The following WDPCP variants were observed in gnomAD, a reference collection of about 807,000 sequenced individuals.
WDPCP encodes the protein WD repeat-containing and planar cell polarity effector protein fritz homolog.
WDPCP carries 71 observed loss-of-function variants against 93.1 expected under a neutral mutation model. The observed-to-expected ratio is 0.76, with a 90% CI of 0.63 to 0.93. The LOEUF is 0.93. Among genes scored for constraint, WDPCP ranks in the 40% least tolerant of loss-of-function variants. WDPCP has a pLI of 0.00. For synonymous variants in WDPCP, 315 were observed against 315.0 expected, an observed-to-expected ratio of 1.00 and a Z score of 0.00; for missense variants, 844 against 887.4, an observed-to-expected ratio of 0.95 and a Z score of 0.62.
intron 2 of WDPCP, among the ~76,000 whole-genome samples, chr2:63,718,288 G>A (rs114813561): frequency 0.012 from 1,872 of 152,140 alleles, 16 homozygotes; most frequent in Non-Finnish European, 0.015. Context: ...TGAGATTGCT[G>A]GATCAAGGGG....
chr2:63,681,823 G>C (rs1035799171), intron 2 of WDPCP, among the ~76,000 whole-genome samples: 1 of 152,172 alleles, frequency 6.6e-6, no homozygotes, highest in African/African-American at 2.4e-5. Flanking sequence ...ATCAGCTCCA[G>C]GTGGCTTACC....
intron 2 of WDPCP, among the ~76,000 whole-genome samples, chr2:63,760,643 A>G (rs897986182): frequency 3.9e-5 from 6 of 152,162 alleles, no homozygotes; most frequent in African/African-American, 1.2e-4. Context: ...CTGTTTCTGC[A>G]ACATCTTTCC....
intron 2 of WDPCP, among the ~76,000 whole-genome samples, chr2:63,786,059 A>G (rs1284450119): frequency 6.6e-6 from 1 of 152,112 alleles, no homozygotes; most frequent in East Asian, 1.9e-4. Context: ...TTTTTTTCTG[A>G]GACAGGGTCT....
chr2:63,775,507 A>T (rs977642096), intron 2 of WDPCP, among the ~76,000 whole-genome samples: 2 of 152,186 alleles, frequency 1.3e-5, no homozygotes, highest in Admixed American at 6.6e-5. Flanking sequence ...TCTTATACAC[A>T]TTGAATTGTT....
intron 12 of WDPCP, among the ~76,000 whole-genome samples, chr2:63,367,352 A>G (rs1394927838): frequency 1.3e-5 from 2 of 152,136 alleles, no homozygotes; most frequent in Non-Finnish European, 2.9e-5. Context: ...TCACAAAAAA[A>G]TAGTGACAGG....
chr2:63,547,654 G>A (rs1032270486), intron 1 of WDPCP, among the ~76,000 whole-genome samples: 1 of 151,206 alleles, frequency 6.6e-6, no homozygotes, highest in African/African-American at 2.4e-5. Context: ...CAGCAACATA[G>A]ATGGAACTGG....
chr2:63,470,088 C>T (rs1359730152), intron 6 of WDPCP, among the ~76,000 whole-genome samples: 1 of 152,160 alleles, frequency 6.6e-6, no homozygotes, highest in Non-Finnish European at 1.5e-5. Flanking sequence ...ATTCTGTCTC[C>T]TTTCTTCATC....
At chr2:63,569,165 C>T (rs907693406) in intron 1 of WDPCP, among the ~76,000 whole-genome samples, 1 of 152,042 alleles carries the variant, frequency 6.6e-6, no homozygotes, top group African/African-American at 2.4e-5. Flanking sequence ...AACAAAGAAA[C>T]AAGCTGCAGA....
At chr2:63,418,999 A>G (rs1281243396) in intron 9 of WDPCP, among the ~76,000 whole-genome samples, 1 of 152,192 alleles carries the variant, frequency 6.6e-6, no homozygotes, top group African/African-American at 2.4e-5. Context: ...TTTAAAGAAA[A>G]CTGTGTGGTA....
chr2:63,126,260 T>C (rs1484181818), intron 17 of WDPCP, among the ~76,000 whole-genome samples: 2 of 152,176 alleles, frequency 1.3e-5, no homozygotes, highest in Non-Finnish European at 2.9e-5. Context: ...AGTGTGAATA[T>C]AGAATGCTGA....
Position 63,121,875 on chromosome 2 carries a change from C to G in WDPCP, c.*131G>C, listed in dbSNP as rs565322265. The G allele has an allele frequency of 2.7e-6, 4 of 1,487,158 alleles. No homozygotes were observed. In the African/African-American group the frequency reaches 5.6e-5, roughly 21 times the overall value. The allele number at this position is 1,487,158 out of a possible 1,614,324, so 92.1% of individuals were successfully genotyped here. A position where few individuals can be genotyped will look rare whatever the true frequency, so the allele number is the denominator to read the frequency against. On this transcript the variant is annotated 3_prime_UTR_variant, in exon 18 of 18. Transcript: ENST00000272321. ...CTTTATTTTGAAAACAAACACTCAA[C>G]TCAAAACTCTTAACTAATTTATATG...
intron 1 of WDPCP, among the ~76,000 whole-genome samples, chr2:63,542,274 C>T (rs1704804517): frequency 6.6e-6 from 1 of 152,038 alleles, no homozygotes. Context: ...GAATTTGATG[C>T]TTCTGAAAGA....
intron 9 of WDPCP, among the ~76,000 whole-genome samples, chr2:63,413,256 A>G (rs1695153619): frequency 6.6e-6 from 1 of 152,196 alleles, no homozygotes; most frequent in African/African-American, 2.4e-5. Context: ...AAGCATACAA[A>G]AACATACAGT....
chr2:63,521,887 C>T (rs956257869), intron 1 of WDPCP, among the ~76,000 whole-genome samples: 3 of 152,264 alleles, frequency 2.0e-5, no homozygotes, highest in South Asian at 2.1e-4. Flanking sequence ...TCACTCAAAA[C>T]TACACAATTG....
chr2:63,727,671 G>A (rs1669510438), intron 2 of WDPCP, among the ~76,000 whole-genome samples: 1 of 152,132 alleles, frequency 6.6e-6, no homozygotes, highest in African/African-American at 2.4e-5. Context: ...CTGTGAATCT[G>A]TCTGATCCAT....
At chr2:63,368,364 C>A in intron 12 of WDPCP, among the ~76,000 whole-genome samples, 1 of 151,572 alleles carries the variant, frequency 6.6e-6, no homozygotes, top group Non-Finnish European at 1.5e-5. Context: ...CTCGCTCTGT[C>A]GCCCAGGCTG....
intron 13 of WDPCP, among the ~76,000 whole-genome samples, chr2:63,279,720 C>T (rs1393692028): frequency 6.6e-6 from 1 of 152,112 alleles, no homozygotes; most frequent in Non-Finnish European, 1.5e-5. Context: ...CTTAAAGACA[C>T]TCCAAAAAGC....
At chr2:63,375,581 G>A (rs966762698) in intron 12 of WDPCP, among the ~76,000 whole-genome samples, 6 of 151,868 alleles carry the variant, frequency 4.0e-5, no homozygotes, top group African/African-American at 1.4e-4. Context: ...GTTTAGATTT[G>A]TTTGGATTTG....
chr2:63,664,809 C>A (rs773766624), intron 2 of WDPCP, among the ~76,000 whole-genome samples: 4 of 152,120 alleles, frequency 2.6e-5, no homozygotes, highest in Non-Finnish European at 5.9e-5. Flanking sequence ...TAATAATTTA[C>A]TTCTTAGAAT....
Sources: allele counts gnomAD v4.1 joint callset (sites outside exome capture counted in the v4.1 genomes callset), GRCh38; gene constraint gnomAD v4.1.1; transcripts MANE v1.5; gene names NCBI Gene and HGNC (gene_info 2026-07-23, HGNC 2026-07-21).